SP6: variants seen among roughly 807,000 people sequenced by gnomAD.
The protein encoded by SP6 is Sp6 transcription factor, also known as transcription factor Sp6.
A neutral mutation model predicts 23.4 loss-of-function variants in SP6; 10 were observed. The ratio of observed to expected loss-of-function variants is 0.43; its 90% confidence interval spans 0.26 to 0.72. The LOEUF (loss-of-function observed/expected upper bound fraction) is 0.72. Ranked by LOEUF, SP6 falls within the 30% of genes least tolerant of loss-of-function variation. The pLI, the probability that SP6 is intolerant of heterozygous loss-of-function variation, is 0.23. For missense variants in SP6, 482 were observed against 523.8 expected (o/e 0.92, Z 0.78); for synonymous variants, 238 against 238.7 (o/e 1.00, Z 0.03).
At chr17:47,871,736 G>C in the SP6 span, among the ~76,000 whole-genome samples, 1 of 151,380 alleles carries the variant, frequency 6.6e-6, no homozygotes, top group African/African-American at 2.4e-5. Context: ...CTCCTGCCTC[G>C]GCCTCCCGAG....
At chr17:47,854,273 CCTA>C (rs1188033783), upstream of SP6, among the ~76,000 whole-genome samples, 5 of 152,218 alleles carry the variant, frequency 3.3e-5, no homozygotes, top group Non-Finnish European at 7.3e-5. Flanking sequence ...TTACTGAGCA[CCTA>C]CTATGTTCCA....
chr17:47,858,910 G>T (rs141475800), upstream of SP6, among the ~76,000 whole-genome samples: 32 of 151,492 alleles, frequency 2.1e-4, no homozygotes, highest in African/African-American at 7.3e-4. Flanking sequence ...AAGTAACCGG[G>T]ATTACAGGCA....
At chr17:47,862,522 A>T in the SP6 span, among the ~76,000 whole-genome samples, 3 of 100,426 alleles carry the variant, frequency 3.0e-5, no homozygotes, top group African/African-American at 8.2e-5. Context: ...AAAAAAAAAA[A>T]AAAAAAAGGT....
Position 47,845,453 on chromosome 17 carries a change from T to C in SP6, c.*1846A>G, listed in dbSNP as rs2033874927. 1 of 152,270 alleles carries C rather than the reference T, an allele frequency of 6.6e-6. No individual in the cohort carries two copies. Among genetic ancestry groups the C allele is most frequent in the Admixed American group, 6.5e-5 (1 of 15,284 alleles). 9.4% of individuals were successfully genotyped at this position (152,270 alleles called of 1,614,324 possible). A position where few individuals can be genotyped will look rare whatever the true frequency, so the allele number is the denominator to read the frequency against. On this transcript the variant is annotated 3_prime_UTR_variant, in exon 2 of 2. Transcript: ENST00000536300. ...TACTTCTTAAACTACCCCAGGCCAA[T>C]GAGTTCCTCGGGAAGGTCATCCTGT... is the stretch of plus-strand genomic sequence containing the variant.
At chr17:47,852,133 T>C (rs906064472), upstream of SP6, among the ~76,000 whole-genome samples, 3 of 152,164 alleles carry the variant, frequency 2.0e-5, no homozygotes, top group Non-Finnish European at 4.4e-5. Context: ...CACCATTCCT[T>C]TCTAATTCTC....
At chr17:47,867,135 T>A in the SP6 span, among the ~76,000 whole-genome samples, 7 of 152,136 alleles carry the variant, frequency 4.6e-5, no homozygotes, top group Non-Finnish European at 1.0e-4. Flanking sequence ...GACCCCGTCT[T>A]ATCGCGCTGC....
chr17:47,848,362 C>A lies in SP6; in HGVS notation c.68G>T (p.Arg23Leu). ...HTEAPHASPP[R>L]LDLQPLQTYQ... ...AGTTTGGAGAGGCTGCAGGTCGAGG[C>A]GCGGCGGGGAGGCGTGCGGCGCTTC... The change falls in exon 2 of 2, where the codon CGC (arginine) becomes CTC (leucine). Residue 23 changes from arginine (R) to leucine (L), a missense_variant. Around this residue, in one of 3 missense-constraint regions of SP6, gnomAD observed 330 missense variants for 332.3 expected, o/e 0.99. Transcript: ENST00000536300. The surrounding 1 kb of genome is among the most constrained non-coding windows in gnomAD (Gnocchi z 5.3). 1 of 1,589,926 alleles carries A rather than the reference C, an allele frequency of 6.3e-7. No homozygotes were observed. The highest frequency in any genetic ancestry group is 8.6e-7 in the Non-Finnish European group (1 of 1,168,306).
chr17:47,869,417 G>A, the SP6 span, among the ~76,000 whole-genome samples: 1 of 152,226 alleles, frequency 6.6e-6, no homozygotes, highest in African/African-American at 2.4e-5. Flanking sequence ...GATCTGGGGA[G>A]TCTGGAGGTA....
rs1424683922 is a variant in SP6, at chr17:47,848,559, C to T, written c.-57-73G>A. Reference sequence around the variant, plus strand: ...TTTCCCTCCTAACCCAGGTCCTCCTCTCTGGCCCCAGGTGTAAAAGAAGGA... The same window carrying T: ...TTTCCCTCCTAACCCAGGTCCTCCTTTCTGGCCCCAGGTGTAAAAGAAGGA... On this transcript the variant is annotated intron_variant, in intron 1 of 1. Coordinates refer to ENST00000536300, the MANE Select transcript of SP6 (RefSeq NM_001258248.2). This position sits in a 1 kb window ranked among gnomAD's most constrained non-coding sequence, Gnocchi z 5.3. 3 of 829,036 alleles carry T rather than the reference C, an allele frequency of 3.6e-6. No individual in the cohort carries two copies. Among genetic ancestry groups the T allele is most frequent in the Non-Finnish European group, 5.5e-6 (3 of 541,518 alleles). 51.4% of individuals were successfully genotyped at this position (829,036 alleles called of 1,614,324 possible).
the SP6 span, among the ~76,000 whole-genome samples, chr17:47,875,801 G>T: frequency 1.3e-5 from 2 of 152,144 alleles, no homozygotes; most frequent in Non-Finnish European, 2.9e-5. Context: ...CTCTCCTTTT[G>T]CCCTTAGACC....
chr17:47,862,343 C>CA, the SP6 span, among the ~76,000 whole-genome samples: 60,156 of 110,162 alleles, frequency 0.55, 15,985 homozygotes, highest in Non-Finnish European at 0.61. Flanking sequence ...GACTAAGTCT[C>CA]AAAAAAAAAA....
At chr17:47,863,561 C>CTTTTT in the SP6 span, 2 of 36,544 alleles carry the variant, frequency 5.5e-5, no homozygotes, top group Admixed American at 3.2e-4. Flanking sequence ...CACTGGACTT[C>CTTTTT]TTCTTCTTTT....
At chr17:47,856,750 A>G (rs2034001117), upstream of SP6, among the ~76,000 whole-genome samples, 1 of 151,932 alleles carries the variant, frequency 6.6e-6, no homozygotes, top group African/African-American at 2.4e-5. Context: ...TTTTCACGGG[A>G]TGACATCCTG....
chr17:47,870,936 T>G, the SP6 span, among the ~76,000 whole-genome samples: 1 of 152,166 alleles, frequency 6.6e-6, no homozygotes, highest in Non-Finnish European at 1.5e-5. Flanking sequence ...AAATTCATAC[T>G]CCCTGCCCCC....
chr17:47,848,714 G>T lies in SP6; in HGVS notation c.-57-228C>A, dbSNP rs1483791657. The stretch of plus-strand genomic sequence containing the variant: ...TACCTTCCTCTGGGTGATCCCTGCC[G>T]TATGACCCAGCTCATCCCTAGAGTT... On this transcript the variant is annotated intron_variant, in intron 1 of 1. Transcript: ENST00000536300. This position sits in a 1 kb window ranked among gnomAD's most constrained non-coding sequence, Gnocchi z 5.3. 1.3e-5 allele frequency among the ~76,000 whole-genome samples: 2 copies of T among 152,072 alleles called. No homozygotes were observed. The highest frequency in any genetic ancestry group is 4.8e-5 in the African/African-American group (2 of 41,388).
upstream of SP6, among the ~76,000 whole-genome samples, chr17:47,857,560 C>G (rs1162639665): frequency 6.6e-6 from 1 of 152,156 alleles, no homozygotes; most frequent in African/African-American, 2.4e-5. Flanking sequence ...CAGGCCCACA[C>G]ACCTTCCCCT....
At chr17:47,862,299 G>A in the SP6 span, among the ~76,000 whole-genome samples, 21 of 149,442 alleles carry the variant, frequency 1.4e-4, no homozygotes, top group African/African-American at 5.0e-4. Flanking sequence ...AACTGAGATC[G>A]TGCCACTGCC....
In SP6 at chr17:47,847,729, A is replaced by C. The variant is rs762725522; in HGVS notation, c.701T>G (p.Leu234Arg). ...GQTVCRCPNCLEAERLGAPCG... is the reference protein window; with the variant it reads ...GQTVCRCPNCREAERLGAPCG... ...TGGAGCCCCCAGTCGCTCCGCCTCC[A>C]GACAGTTGGGGCAGCGACAGACGGT... The change falls in exon 2 of 2, where the codon CTG becomes CGG. Residue 234 changes from leucine to arginine, a missense_variant. By Grantham distance (102) the Leu-to-Arg change is moderately radical (BLOSUM62 -2). Transcript: ENST00000536300. 2 of 1,594,840 alleles carry C rather than the reference A, an allele frequency of 1.3e-6. No homozygotes were observed. The highest frequency in any genetic ancestry group is 2.3e-5 in the South Asian group (2 of 88,680).
At chr17:47,866,617 C>T in the SP6 span, among the ~76,000 whole-genome samples, 1 of 152,196 alleles carries the variant, frequency 6.6e-6, no homozygotes, top group Non-Finnish European at 1.5e-5. Flanking sequence ...AGACAGCCAC[C>T]GTGAACAAAG....
Sources: allele counts gnomAD v4.1 joint callset (sites outside exome capture counted in the v4.1 genomes callset), GRCh38; gene constraint gnomAD v4.1.1; regional missense constraint gnomAD v4.1.1; non-coding constraint Gnocchi (gnomAD v3.1); transcripts MANE v1.5; gene names NCBI Gene and HGNC (gene_info 2026-07-23, HGNC 2026-07-21).